MSH3: variants seen among roughly 807,000 people sequenced by gnomAD.
The protein encoded by MSH3 is mutS homolog 3, also known as DNA mismatch repair protein Msh3.
In MSH3, 106 loss-of-function variants were observed where a neutral mutation model predicts 123.3. The ratio of observed to expected loss-of-function variants is 0.86; its 90% CI spans 0.73 to 1.01. The LOEUF (loss-of-function observed/expected upper bound fraction) is 1.01. Ranked by LOEUF, MSH3 falls within the 50% of genes least tolerant of loss-of-function variation. MSH3 has a pLI of 0.00. For missense variants in MSH3, 1,459 were observed against 1,347.6 expected (o/e 1.08, Z -1.29); for synonymous variants, 515 against 481.4 (o/e 1.07, Z -0.91).
intron 10 of MSH3, among the ~76,000 whole-genome samples, chr5:80,738,806 A>G (rs540794199): frequency 6.6e-6 from 1 of 152,336 alleles, no homozygotes; most frequent in South Asian, 2.1e-4. Context: ...TACTGTGGAT[A>G]TATTAAGAAG....
At chr5:80,841,050 C>T (rs867539601) in intron 20 of MSH3, among the ~76,000 whole-genome samples, 31 of 150,848 alleles carry the variant, frequency 2.1e-4, no homozygotes, top group Non-Finnish European at 2.2e-4. Context: ...TGCTATCCCT[C>T]CCCACTCCCC....
chr5:80,732,311 G>C (rs749446885), intron 10 of MSH3, among the ~76,000 whole-genome samples: 7 of 152,076 alleles, frequency 4.6e-5, no homozygotes, highest in Non-Finnish European at 8.8e-5. Context: ...ACTTCAAAAA[G>C]ATATTGGAAA....
chr5:80,711,407 T>C (rs1750854933), intron 8 of MSH3, among the ~76,000 whole-genome samples: 2 of 152,188 alleles, frequency 1.3e-5, no homozygotes. Context: ...CTTTCGCCTC[T>C]GTTGGTAAGG....
intron 10 of MSH3, among the ~76,000 whole-genome samples, chr5:80,734,337 G>A (rs1162127342): frequency 1.3e-5 from 2 of 152,150 alleles, no homozygotes; most frequent in Admixed American, 1.3e-4. Flanking sequence ...TGAGTATAGA[G>A]TTTCTTTTTG....
At chr5:80,661,252 C>T (rs1749427674) in intron 2 of MSH3, among the ~76,000 whole-genome samples, 1 of 151,988 alleles carries the variant, frequency 6.6e-6, no homozygotes, top group South Asian at 2.1e-4. Flanking sequence ...CTTCCTGTCT[C>T]TTGTGTCTCC....
intron 10 of MSH3, among the ~76,000 whole-genome samples, chr5:80,732,910 G>C (rs1561459457): frequency 6.6e-6 from 1 of 152,166 alleles, no homozygotes; most frequent in Non-Finnish European, 1.5e-5. Context: ...AAACCTCACA[G>C]ACATTAAACC....
chr5:80,815,032 A>T (rs6151884), intron 20 of MSH3, among the ~76,000 whole-genome samples: 3,572 of 152,282 alleles, frequency 0.023, 143 homozygotes, highest in African/African-American at 0.081. Flanking sequence ...GAGTGTCTTG[A>T]GTTGTTGTCC....
intron 22 of MSH3, among the ~76,000 whole-genome samples, chr5:80,866,283 T>A (rs1746096998): frequency 6.6e-6 from 1 of 152,066 alleles, no homozygotes; most frequent in Non-Finnish European, 1.5e-5. Context: ...GGACTACAGG[T>A]GCACACCACC....
At chr5:80,810,172 C>CATATATAT (rs113702568) in intron 19 of MSH3, among the ~76,000 whole-genome samples, 7,435 of 121,394 alleles carry the variant, frequency 0.061, 386 homozygotes, top group African/African-American at 0.11. Context: ...GTTTGACATA[C>CATATATAT]ATATATATAT....
rs142061490 is a variant in MSH3, at chr5:80,668,352, C to T, written c.580-1745C>T. On this transcript the variant is annotated intron_variant, in intron 3 of 23. Coordinates refer to ENST00000265081, the MANE Select transcript of MSH3 (RefSeq NM_002439.5). Reference sequence around the variant, plus strand: ...CCTGGCTTGAAGGTGGGGCTTCACCCGGACCTGACCCTTTCTGCTCAGGAG... The same window carrying T: ...CCTGGCTTGAAGGTGGGGCTTCACCTGGACCTGACCCTTTCTGCTCAGGAG... 3.7e-3 allele frequency among the ~76,000 whole-genome samples: 558 copies of T among 152,258 alleles called. 4 individuals carry two copies. Among genetic ancestry groups the T allele is most frequent in the African/African-American group, 0.013 (521 of 41,554 alleles).
chr5:80,805,581 C>A (rs1411670219), intron 19 of MSH3, among the ~76,000 whole-genome samples: 7 of 75,462 alleles, frequency 9.3e-5, no homozygotes, highest in African/African-American at 1.3e-4. Context: ...ATATGATGCC[C>A]CCCCCCCCTA....
intron 17 of MSH3, among the ~76,000 whole-genome samples, chr5:80,780,100 G>A (rs190738656): frequency 6.6e-6 from 1 of 152,236 alleles, no homozygotes; most frequent in Admixed American, 6.5e-5. Flanking sequence ...TTATATTCTG[G>A]ATTTATTGAT....
intron 17 of MSH3, among the ~76,000 whole-genome samples, chr5:80,786,508 A>G (rs1349965984): frequency 6.6e-6 from 1 of 152,170 alleles, no homozygotes; most frequent in African/African-American, 2.4e-5. Context: ...CCAGTCTTTG[A>G]AGAATTTGTG....
intron 20 of MSH3, among the ~76,000 whole-genome samples, chr5:80,828,884 T>C (rs1468156654): frequency 6.6e-6 from 1 of 152,142 alleles, no homozygotes; most frequent in Non-Finnish European, 1.5e-5. Context: ...TTTCCTGGGC[T>C]CTCCCAGGCT....
At chr5:80,733,829 G>A (rs1158763098) in intron 10 of MSH3, among the ~76,000 whole-genome samples, 1 of 152,060 alleles carries the variant, frequency 6.6e-6, no homozygotes, top group African/African-American at 2.4e-5. Flanking sequence ...GTGTTGGCTG[G>A]GATGCAGACA....
intron 2 of MSH3, among the ~76,000 whole-genome samples, chr5:80,661,277 T>C (rs1749428624): frequency 6.6e-6 from 1 of 152,194 alleles, no homozygotes; most frequent in African/African-American, 2.4e-5. Flanking sequence ...GAGAGTTTAT[T>C]ACGGGGATGT....
intron 22 of MSH3, among the ~76,000 whole-genome samples, chr5:80,868,118 T>A (rs965546644): frequency 6.6e-6 from 1 of 152,070 alleles, no homozygotes; most frequent in Non-Finnish European, 1.5e-5. Context: ...AGTCAAAAAA[T>A]AACAGGTGCT....
intron 20 of MSH3, among the ~76,000 whole-genome samples, chr5:80,820,492 T>C (rs1234580092): frequency 6.6e-6 from 1 of 152,184 alleles, no homozygotes; most frequent in Non-Finnish European, 1.5e-5. Flanking sequence ...GTGCTTGTTC[T>C]GCACACCTTT....
intron 19 of MSH3, among the ~76,000 whole-genome samples, chr5:80,793,995 C>T (rs1451329566): frequency 1.3e-5 from 2 of 151,888 alleles, no homozygotes; most frequent in South Asian, 2.1e-4. Context: ...AAAGGGAATA[C>T]GAGGGAACAG....
Sources: allele counts gnomAD v4.1 joint callset (sites outside exome capture counted in the v4.1 genomes callset), GRCh38; gene constraint gnomAD v4.1.1; transcripts MANE v1.5; gene names NCBI Gene and HGNC (gene_info 2026-07-23, HGNC 2026-07-21).